Variants in SAMD11 observed in about 807,000 individuals in gnomAD.
The protein encoded by SAMD11 is sterile alpha motif domain-containing protein 11.
A neutral mutation model predicts 64.4 loss-of-function variants in SAMD11; 77 were observed. The observed-to-expected ratio is 1.20, with a 90% confidence interval of 0.99 to 1.44. The LOEUF (loss-of-function observed/expected upper bound fraction) is 1.44, where lower values mean the gene tolerates loss of function less well. SAMD11 is among the 40% of genes most tolerant of loss of function. The pLI is 0.00. For missense variants in SAMD11, 1,402 were observed against 943.3 expected, an observed-to-expected ratio of 1.49 and a Z score of -6.37; for synonymous variants, 658 against 421.9, an observed-to-expected ratio of 1.56 and a Z score of -6.86.
Position 925,988 on chromosome 1 carries a change from C to A in SAMD11, c.584C>A (p.Pro195Gln). 6.2e-7 allele frequency: 1 copy of A among 1,612,000 alleles called. No homozygotes were observed. The highest frequency in any genetic ancestry group is 8.5e-7 in the Non-Finnish European group (1 of 1,179,936). ...LQVHPPICDC[P>Q]GCRISSPVNR... ...GTGCATCCTCCGATCTGCGACTGCCCGGGCTGCCGAATATCCTCCCCGGTG... is the reference window on the plus strand; with the variant it reads ...GTGCATCCTCCGATCTGCGACTGCCAGGGCTGCCGAATATCCTCCCCGGTG... Residue 195 changes from proline to glutamine, a missense_variant, in exon 2 of 14, where the codon CCG (proline) becomes CAG (glutamine). Transcript: ENST00000616016.
At position 943,990 on chromosome 1, in the gene SAMD11, C is replaced by G. The variant is rs758000568; in HGVS notation, c.2372C>G (p.Pro791Arg). 1.1e-5 allele frequency: 17 copies of G among 1,612,724 alleles called. No individual in the cohort carries two copies. In the South Asian group the frequency reaches 1.8e-4, roughly 17 times the overall value. The change falls in exon 14 of 14, where the codon CCG becomes CGG. Residue 791 changes from proline to arginine, a missense_variant. By Grantham distance (103) the Pro-to-Arg change is moderately radical (BLOSUM62 -2). Transcript: ENST00000616016. Reference sequence around the variant, plus strand: ...CTGCAGCCACCAACCCTGCGGGCCCCGGAGCGAGAACTCGGCACAGGAGAG... The same window carrying G: ...CTGCAGCCACCAACCCTGCGGGCCCGGGAGCGAGAACTCGGCACAGGAGAG... ...LPLQPPTLRA[P>R]ERELGTGEQP...
In SAMD11 at chr1:924,518, G is replaced by C. The variant is rs1487920969; in HGVS notation, c.87G>C (p.Pro29=). ...ATFHPTLAAL[P]LPPLPGYLAP... ...TCCACCCGACCCTGGCCGCGCTGCC[G>C]CTGCCGCCGCTGCCAGGCTACCTGG... Residue 29 remains proline, a synonymous_variant, in exon 1 of 14, where the codon CCG becomes CCC. Coordinates refer to ENST00000616016, the MANE Select transcript of SAMD11 (RefSeq NM_001385641.1). 1.3e-5 allele frequency: 2 copies of C among 149,788 alleles called. No homozygotes were observed. The highest frequency in any genetic ancestry group is 3.0e-5 in the Non-Finnish European group (2 of 66,954). The allele number at this position is 149,788 out of a possible 1,614,324, so 9.3% of individuals were successfully genotyped here.
chr1:935,450 T>C (rs1022122924), intron 4 of SAMD11, among the ~76,000 whole-genome samples: 1 of 149,706 alleles, frequency 6.7e-6, no homozygotes, highest in Non-Finnish European at 1.5e-5. Context: ...CTCGACCCCC[T>C]TTGAGGCAGG....
chr1:935,926 G>A (rs372781463), intron 5 of SAMD11, 30 bp downstream of exon 5: 189 of 1,605,108 alleles, frequency 1.2e-4, no homozygotes, highest in Admixed American at 2.2e-4. Context: ...TGAGGGCGGG[G>A]TCGGGGCTGT....
At chr1:937,917 A>C (rs1641545015) in intron 5 of SAMD11, among the ~76,000 whole-genome samples, 2 of 152,226 alleles carry the variant, frequency 1.3e-5, no homozygotes, top group East Asian at 3.8e-4. Flanking sequence ...GGGAATAAGA[A>C]AAAGGAATTA....
In SAMD11 at chr1:936,192, C is replaced by T. The variant is rs553454247; in HGVS notation, c.967+296C>T. Among the ~76,000 whole-genome samples, 23 of 152,308 alleles carry T rather than the reference C, an allele frequency of 1.5e-4. No homozygotes were observed. The South Asian group carries it at 2.7e-3, about 18-fold the overall frequency. ...GTGGCCTCAGAGGTTCAGAAACGCA[C>T]ACCCTGGAGGAACGCACGCACTCCC... On this transcript the variant is annotated intron_variant, in intron 5 of 13. Coordinates refer to ENST00000616016, the MANE Select transcript of SAMD11 (RefSeq NM_001385641.1).
At chr1:942,065 G>A (rs1641805939) in intron 8 of SAMD11, 71 bp from the exon 9 acceptor site, 3 of 474,596 alleles carry the variant, frequency 6.3e-6, no homozygotes, top group Non-Finnish European at 1.1e-5. Context: ...GGAGGCGGCG[G>A]GGGAGGGGCG....
intron 3 of SAMD11, 47 bp downstream of exon 3, chr1:930,383 C>T: frequency 1.9e-6 from 3 of 1,539,590 alleles, no homozygotes; most frequent in Non-Finnish European, 2.6e-6. Flanking sequence ...TCAGATGGGG[C>T]TGGAGCTTCA....
chr1:926,570 T>C (rs576027405), intron 2 of SAMD11, among the ~76,000 whole-genome samples: 2 of 152,284 alleles, frequency 1.3e-5, no homozygotes, highest in African/African-American at 2.4e-5. Flanking sequence ...TGTGGGCCTT[T>C]GGTGTCCAGG....
intron 9 of SAMD11, 34 bp downstream of exon 9, chr1:942,285 G>T: frequency 9.6e-7 from 1 of 1,037,712 alleles, no homozygotes; most frequent in East Asian, 3.2e-5. Context: ...CTGGGAGCCC[G>T]CGTGGAGGCT....
rs1557613286 is a variant in SAMD11, at chr1:944,324, T to G, written c.*171T>G. On this transcript the variant is annotated 3_prime_UTR_variant, in exon 14 of 14. Coordinates refer to ENST00000616016, the MANE Select transcript of SAMD11 (RefSeq NM_001385641.1). ...ACAAATTTTCAAAGACTTGGGGGAGTGAAGGCAGAGCCTGGTGCAGATGGA... is the reference window on the plus strand; with the variant it reads ...ACAAATTTTCAAAGACTTGGGGGAGGGAAGGCAGAGCCTGGTGCAGATGGA... The G allele has an allele frequency of 2.2e-6, 3 of 1,380,352 alleles. No homozygotes were observed. Among genetic ancestry groups the G allele is most frequent in the African/African-American group, 1.5e-5 (1 of 67,556 alleles). The allele number at this position is 1,380,352 out of a possible 1,614,324, so 85.5% of individuals were successfully genotyped here.
intron 7 of SAMD11, among the ~76,000 whole-genome samples, chr1:939,717 G>A (rs1298492776): frequency 6.6e-6 from 1 of 152,172 alleles, no homozygotes; most frequent in Non-Finnish European, 1.5e-5. Flanking sequence ...CAGTGGGCAT[G>A]TCAGCAGCAC....
intron 7 of SAMD11, chr1:940,439 G>A (rs1286539572): frequency 6.6e-6 from 1 of 152,024 alleles, no homozygotes; most frequent in Non-Finnish European, 1.5e-5. Flanking sequence ...CCCGGCCCGG[G>A]GCGGGACCCA....
At chr1:926,085 T>G (rs1020157461) in intron 2 of SAMD11, 72 bp downstream of exon 2, 7 of 1,467,334 alleles carry the variant, frequency 4.8e-6, no homozygotes, top group Middle Eastern at 1.7e-4. Flanking sequence ...GTTTTCAGGG[T>G]TTTCAGGATC....
Position 942,686 on chromosome 1 carries a change from C to G in SAMD11, c.1681C>G (p.Leu561Val). Residue 561 changes from leucine (L) to valine (V), a missense_variant, in exon 11 of 14, where the codon CTG becomes GTG. Coordinates refer to ENST00000616016, the MANE Select transcript of SAMD11 (RefSeq NM_001385641.1). Reference protein sequence around the residue: ...AEELQRRGALLVLNHGAAPLL... With the variant: ...AEELQRRGALVVLNHGAAPLL... ...GGAGCTGCAGCGGCGCGGGGCCCTGCTGGTGCTGAACCACGGCGCGGCGCC... is the reference window on the plus strand; with the variant it reads ...GGAGCTGCAGCGGCGCGGGGCCCTGGTGGTGCTGAACCACGGCGCGGCGCC... 1.4e-6 allele frequency: 2 copies of G among 1,439,494 alleles called. No individual in the cohort carries two copies. Among genetic ancestry groups the G allele is most frequent in the Non-Finnish European group, 1.8e-6 (2 of 1,106,094 alleles). 89.2% of individuals were successfully genotyped at this position (1,439,494 alleles called of 1,614,324 possible).
intron 2 of SAMD11, among the ~76,000 whole-genome samples, chr1:927,954 G>T (rs1315241753): frequency 6.6e-6 from 1 of 152,274 alleles, no homozygotes; most frequent in African/African-American, 2.4e-5. Flanking sequence ...GCATCACGGG[G>T]CTGAGGCTGG....
rs988214710 is a variant in SAMD11 at position 944,522 on chromosome 1, CCAGCT to C, written c.*371_*375del. 2.9e-5 allele frequency: 18 copies of C among 627,200 alleles called. No individual in the cohort carries two copies. The highest frequency in any genetic ancestry group is 4.0e-5 in the Non-Finnish European group (15 of 372,242). The allele number at this position is 627,200 out of a possible 1,614,324, so 38.9% of individuals were successfully genotyped here. A position where few individuals can be genotyped will look rare whatever the true frequency, so the allele number is the denominator to read the frequency against. ...AGCAGCCACACCAGCCCAGCCCAGCCCAGCTCTCGATACGTTTGGTCTTTCATGCT... is the reference window on the plus strand; with the variant it reads ...AGCAGCCACACCAGCCCAGCCCAGCCCTCGATACGTTTGGTCTTTCATGCT... On this transcript the variant is annotated 3_prime_UTR_variant, in exon 14 of 14. Coordinates refer to ENST00000616016, the MANE Select transcript of SAMD11 (RefSeq NM_001385641.1).
intron 10 of SAMD11, 24 bp from the exon 11 acceptor site, chr1:942,535 G>C: frequency 7.1e-7 from 1 of 1,414,112 alleles, no homozygotes; most frequent in Non-Finnish European, 9.2e-7. Flanking sequence ...GGAGGCGGCT[G>C]ACCCGCGTCT....
intron 1 of SAMD11, 67 bp from the exon 2 acceptor site, chr1:925,855 C>A: frequency 8.6e-7 from 1 of 1,164,966 alleles, no homozygotes; most frequent in Non-Finnish European, 1.3e-6. Flanking sequence ...GGGGTACTGG[C>A]CCTGCCGCTG....
Sources: allele counts gnomAD v4.1 joint callset (sites outside exome capture counted in the v4.1 genomes callset), GRCh38; gene constraint gnomAD v4.1.1; transcripts MANE v1.5; gene names NCBI Gene and HGNC (gene_info 2026-07-23, HGNC 2026-07-21).